Variants in IVNS1ABP observed in about 807,000 individuals in gnomAD.
IVNS1ABP encodes the protein influenza virus NS1A-binding protein.
IVNS1ABP carries 25 observed loss-of-function variants against 78.9 expected under a neutral mutation model. That is an observed-to-expected ratio of 0.32 (90% confidence interval 0.23 to 0.44). The LOEUF (loss-of-function observed/expected upper bound fraction) is 0.44, where lower values mean the gene tolerates loss of function less well. IVNS1ABP is among the 20% of genes least tolerant of loss of function. The pLI is 1.00. For synonymous variants in IVNS1ABP, 241 were observed against 259.7 expected, an observed-to-expected ratio of 0.93 and a Z score of 0.69; for missense variants, 494 against 768.9, an observed-to-expected ratio of 0.64 and a Z score of 4.23.
chr1:185,314,823 C>T (rs1205565927), intron 1 of IVNS1ABP, among the ~76,000 whole-genome samples: 1 of 152,020 alleles, frequency 6.6e-6, no homozygotes, highest in Non-Finnish European at 1.5e-5. Context: ...TACCAAAAAG[C>T]ATAACACAAA....
Position 185,298,179 on chromosome 1 carries a change from T to C in IVNS1ABP, c.1785A>G (p.Pro595=). The stretch of plus-strand genomic sequence containing the variant: ...CAGTTGCAATCCCAGCATTGCTCCT[T>C]GGTGAAGTCATATTTCCCATCATCT... ...EWKMMGNMTS[P]RSNAGIATVG... The change falls in exon 15 of 15, where the codon CCA becomes CCG. Residue 595 remains proline (P), a synonymous_variant. Coordinates refer to ENST00000367498, the MANE Select transcript of IVNS1ABP (RefSeq NM_006469.5). This position sits in a 1 kb window ranked among gnomAD's most constrained non-coding sequence, Gnocchi z 4.1. The C allele has an allele frequency of 6.2e-7, 1 of 1,613,874 alleles. No homozygotes were observed. Among genetic ancestry groups the C allele is most frequent in the Non-Finnish European group, 8.5e-7 (1 of 1,179,838 alleles).
At position 185,317,094 on chromosome 1, in the gene IVNS1ABP, A is replaced by G. The variant is rs1344142757; in HGVS notation, c.-388T>C. 7 of 398,388 alleles carry G rather than the reference A, an allele frequency of 1.8e-5. No homozygotes were observed. In the East Asian group the frequency reaches 2.5e-4, roughly 14 times the overall value. The allele number at this position is 398,388 out of a possible 1,614,324, so 24.7% of individuals were successfully genotyped here. On this transcript the variant is annotated 5_prime_UTR_variant, in exon 1 of 15. Transcript: ENST00000367498. ...CGGTCAAGTAGAAGGACGAGGGGCC[A>G]GTCCGTGGAGACTGAAAGGAAGGGG...
Position 185,306,700 on chromosome 1 carries a change from C to T in IVNS1ABP, c.657+314G>A, listed in dbSNP as rs1454620145. ...CTACTTGTCAAATTTAAAGCAAAAA[C>T]CTGTGAAGAAAAATTAAGAATCTAC... On this transcript the variant is annotated intron_variant, in intron 7 of 14. Coordinates refer to ENST00000367498, the MANE Select transcript of IVNS1ABP (RefSeq NM_006469.5). The T allele has an allele frequency of 1.5e-5, 16 of 1,087,978 alleles. 1 individual carries two copies. Among genetic ancestry groups the T allele is most frequent in the Non-Finnish European group, 1.6e-5 (14 of 868,176 alleles). The allele number at this position is 1,087,978 out of a possible 1,614,324, so 67.4% of individuals were successfully genotyped here.
chr1:185,307,712 C>G, intron 5 of IVNS1ABP, 50 bp from the exon 6 acceptor site: 4 of 1,543,588 alleles, frequency 2.6e-6, no homozygotes, highest in Non-Finnish European at 2.7e-6. Context: ...TTTTATTCAA[C>G]AAATATTTAA....
chr1:185,305,915 T>C lies in IVNS1ABP; in HGVS notation c.658-272A>G, dbSNP rs1324708259. On this transcript the variant is annotated intron_variant, in intron 7 of 14. Transcript: ENST00000367498. The surrounding 1 kb of genome is among the most constrained non-coding windows in gnomAD (Gnocchi z 4.0). ...TGGCTTGAAAGAAATCTTCATTTTT[T>C]TCATAGCTTCTATCATATAACAGTA... is the stretch of plus-strand genomic sequence containing the variant. 1 of 382,616 alleles carries C rather than the reference T, an allele frequency of 2.6e-6. No homozygotes were observed. The highest frequency in any genetic ancestry group is 4.9e-6 in the Non-Finnish European group (1 of 206,102). 23.7% of individuals were successfully genotyped at this position (382,616 alleles called of 1,614,324 possible).
At chr1:185,309,226 G>A in intron 3 of IVNS1ABP, 54 bp from the exon 4 acceptor site, 1 of 1,335,300 alleles carries the variant, frequency 7.5e-7, no homozygotes, top group Non-Finnish European at 1.0e-6. Context: ...TGCTTCTCTA[G>A]CTAATTACTA....
In IVNS1ABP at chr1:185,305,938, G is replaced by T; in HGVS notation, c.658-295C>A. On this transcript the variant is annotated intron_variant, in intron 7 of 14. Transcript: ENST00000367498. The surrounding 1 kb of genome is among the most constrained non-coding windows in gnomAD (Gnocchi z 4.0). ...TTTTCATAGCTTCTATCATATAACA[G>T]TAAGAAAAAAAGCACTAGTACAATA... 1 of 308,424 alleles carries T rather than the reference G, an allele frequency of 3.2e-6. No homozygotes were observed. Among genetic ancestry groups the T allele is most frequent in the Admixed American group, 4.6e-5 (1 of 21,902 alleles). The allele number at this position is 308,424 out of a possible 1,614,324, so 19.1% of individuals were successfully genotyped here.
chr1:185,308,722 T>G, intron 5 of IVNS1ABP, 78 bp downstream of exon 5: 1 of 1,042,292 alleles, frequency 9.6e-7, no homozygotes, highest in Non-Finnish European at 1.4e-6. Flanking sequence ...ACTAACAAGA[T>G]GTTTTATGAC....
At position 185,298,310 on chromosome 1, in the gene IVNS1ABP, G is replaced by A. The variant is rs1159311538; in HGVS notation, c.1676-22C>T. On this transcript the variant is annotated intron_variant, in intron 14 of 14. Transcript: ENST00000367498. The surrounding 1 kb of genome is among the most constrained non-coding windows in gnomAD (Gnocchi z 4.1). Reference sequence around the variant, plus strand: ...TTTCCTAAAAGAGAAATGAGATGGGGTAAATCCAGAGATTAAAGTGTAATA... The same window carrying A: ...TTTCCTAAAAGAGAAATGAGATGGGATAAATCCAGAGATTAAAGTGTAATA... The A allele has an allele frequency of 2.5e-6, 4 of 1,607,266 alleles. No homozygotes were observed. The highest frequency in any genetic ancestry group is 2.6e-6 in the Non-Finnish European group (3 of 1,175,534).
At position 185,301,426 on chromosome 1, in the gene IVNS1ABP, A is replaced by T. The variant is rs1665596244; in HGVS notation, c.895+8T>A. On this transcript the variant is annotated splice_region_variant and intron_variant, in intron 9 of 14. Transcript: ENST00000367498. ...CTGAAAACAATCTGGCAAGTGTCAT[A>T]TACTTACTTGAAGTCTTTTCTGAAG... 1 of 1,612,906 alleles carries T rather than the reference A, an allele frequency of 6.2e-7. No homozygotes were observed. The highest frequency in any genetic ancestry group is 1.7e-5 in the Admixed American group (1 of 59,874).
chr1:185,296,944 CAGCA>C lies in IVNS1ABP; in HGVS notation c.*1087_*1090del, dbSNP rs1665434655. ...AGTACCTTTAATGTGTTTAAATCAGCAGCAAGCATTAGGACATGCTATTTTGGCC... is the reference window on the plus strand; with the variant it reads ...AGTACCTTTAATGTGTTTAAATCAGCAGCATTAGGACATGCTATTTTGGCC... On this transcript the variant is annotated 3_prime_UTR_variant, in exon 15 of 15. Transcript: ENST00000367498. 1 of 152,040 alleles carries C rather than the reference CAGCA, an allele frequency of 6.6e-6. No individual in the cohort carries two copies. The highest frequency in any genetic ancestry group is 1.5e-5 in the Non-Finnish European group (1 of 67,992). The allele number at this position is 152,040 out of a possible 1,614,324, so 9.4% of individuals were successfully genotyped here. A position where few individuals can be genotyped will look rare whatever the true frequency, so the allele number is the denominator to read the frequency against.
rs199763085 is a variant in IVNS1ABP at position 185,299,787 on chromosome 1, T to C, written c.1598A>G (p.Asn533Ser). Residue 533 changes from asparagine (N) to serine (S), a missense_variant, in exon 14 of 15, where the codon AAT becomes AGT. Asn to Ser is a conservative substitution (Grantham distance 46). Coordinates refer to ENST00000367498, the MANE Select transcript of IVNS1ABP (RefSeq NM_006469.5). Reference protein sequence around the residue: ...WNCLNTVERYNPENNTWTLIA... With the variant: ...WNCLNTVERYSPENNTWTLIA... Reference sequence around the variant, plus strand: ...TAAAGTCCAGGTATTATTTTCAGGATTGTATCGTTCTACTGTGTTCAGACA... The same window carrying C: ...TAAAGTCCAGGTATTATTTTCAGGACTGTATCGTTCTACTGTGTTCAGACA... The C allele has an allele frequency of 2.5e-6, 4 of 1,613,714 alleles. No individual in the cohort carries two copies. The East Asian group carries it at 8.9e-5, about 36-fold the overall frequency.
At chr1:185,308,247 A>C (rs928972112) in intron 5 of IVNS1ABP, among the ~76,000 whole-genome samples, 2 of 152,202 alleles carry the variant, frequency 1.3e-5, no homozygotes, top group Non-Finnish European at 2.9e-5. Flanking sequence ...TCTGTTTGTC[A>C]CAACTGCTCA....
chr1:185,307,465 C>A (rs1352902333), intron 6 of IVNS1ABP, 24 bp downstream of exon 6: 1 of 1,569,140 alleles, frequency 6.4e-7, no homozygotes, highest in South Asian at 1.1e-5. Flanking sequence ...TAGTATATAT[C>A]TGTTTATAGA....
intron 8 of IVNS1ABP, among the ~76,000 whole-genome samples, chr1:185,303,964 A>T (rs1665666902): frequency 6.6e-6 from 1 of 152,100 alleles, no homozygotes; most frequent in South Asian, 2.1e-4. Flanking sequence ...GATAAAGTAT[A>T]AGCCCCATTC....
chr1:185,308,055 A>G, intron 5 of IVNS1ABP: 1 of 1,546,600 alleles, frequency 6.5e-7, no homozygotes, highest in Admixed American at 2.0e-5. Flanking sequence ...AAAGATAACT[A>G]GGAAATAGTT....
rs1225039345 is a variant in IVNS1ABP at position 185,298,424 on chromosome 1, T to C, written c.1676-136A>G. ...TGTTCATTTTGTCAAAAAGAATTTA[T>C]TAAATGCCTAATATGACAAATACTC... On this transcript the variant is annotated intron_variant, in intron 14 of 14. Coordinates refer to ENST00000367498, the MANE Select transcript of IVNS1ABP (RefSeq NM_006469.5). The surrounding 1 kb of genome is among the most constrained non-coding windows in gnomAD (Gnocchi z 4.1). 2.7e-6 allele frequency: 2 copies of C among 745,094 alleles called. No individual in the cohort carries two copies. Among genetic ancestry groups the C allele is most frequent in the Non-Finnish European group, 4.3e-6 (2 of 466,498 alleles). 46.2% of individuals were successfully genotyped at this position (745,094 alleles called of 1,614,324 possible). A position where few individuals can be genotyped will look rare whatever the true frequency, so the allele number is the denominator to read the frequency against.
rs1223823388 is a variant in IVNS1ABP, at chr1:185,309,170, G to A, written c.114C>T (p.Val38=). ...TGTGTGCTAACATTTCATGGCCACA[G>A]ACCTGAAATTATGAAGAATTATAAT... The part of the protein sequence containing the change: ...SGQFCDVRLQ[V]CGHEMLAHRA... The change falls in exon 4 of 15, where the codon GTC becomes GTT. Residue 38 remains valine, a splice_region_variant and synonymous_variant. Transcript: ENST00000367498. 1 of 1,574,718 alleles carries A rather than the reference G, an allele frequency of 6.4e-7. No homozygotes were observed. Among genetic ancestry groups the A allele is most frequent in the African/African-American group, 1.4e-5 (1 of 72,824 alleles).
rs368979058 is a variant in IVNS1ABP at position 185,301,418 on chromosome 1, A to G, written c.895+16T>C. The G allele has an allele frequency of 2.6e-5, 42 of 1,612,190 alleles. No homozygotes were observed. The highest frequency in any genetic ancestry group is 3.6e-5 in the Non-Finnish European group (42 of 1,178,858). ...TAGGTAAGCTGAAAACAATCTGGCA[A>G]GTGTCATATACTTACTTGAAGTCTT... On this transcript the variant is annotated intron_variant, in intron 9 of 14. Coordinates refer to ENST00000367498, the MANE Select transcript of IVNS1ABP (RefSeq NM_006469.5).
Sources: gnomAD v4.1 joint callset for allele counts (sites outside exome capture counted in the v4.1 genomes callset) on GRCh38, gnomAD v4.1.1 for gene constraint, Gnocchi (gnomAD v3.1) non-coding constraint, MANE v1.5 for transcripts, NCBI Gene and HGNC (gene_info 2026-07-23, HGNC 2026-07-21) for gene names.